The following ZNG1B variants were observed in gnomAD, a reference collection of about 807,000 sequenced individuals.
ZNG1B encodes Zn regulated GTPase metalloprotein activator 1B.
At chr2:113,451,075 C>T in the ZNG1B span, among the ~76,000 whole-genome samples, 2 of 152,236 alleles carry the variant, frequency 1.3e-5, no homozygotes, top group African/African-American at 4.8e-5. Context: ...ACCTGACCTT[C>T]TCCTTCCCAA....
At chr2:113,472,896 G>A in the ZNG1B span, among the ~76,000 whole-genome samples, 2 of 151,622 alleles carry the variant, frequency 1.3e-5, 1 homozygote, top group South Asian at 4.2e-4. Context: ...TAGCCTTGTA[G>A]TATAGTTTGA....
chr2:113,471,466 G>GT, the ZNG1B span, among the ~76,000 whole-genome samples: 438 of 150,408 alleles, frequency 2.9e-3, 3 homozygotes, highest in African/African-American at 0.01. Flanking sequence ...TTTTTCTTGA[G>GT]TTTTTTTTTA....
chr2:113,457,131 A>G, the ZNG1B span: 3 of 454,780 alleles, frequency 6.6e-6, no homozygotes, highest in Admixed American at 7.0e-5. Flanking sequence ...GGCTACTGAC[A>G]TTGTTCTTTT....
At chr2:113,473,095 A>G in the ZNG1B span, among the ~76,000 whole-genome samples, 1 of 149,608 alleles carries the variant, frequency 6.7e-6, no homozygotes, top group Non-Finnish European at 1.5e-5. Context: ...CATTTTCACG[A>G]TATTGATTCT....
the ZNG1B span, among the ~76,000 whole-genome samples, chr2:113,473,361 G>A: frequency 2.0e-5 from 3 of 146,764 alleles, no homozygotes; most frequent in South Asian, 6.7e-4. Context: ...TGCTGAAGTT[G>A]CTTATCAGCT....
the ZNG1B span, chr2:113,462,328 G>C: frequency 5.4e-6 from 7 of 1,294,306 alleles, no homozygotes; most frequent in Non-Finnish European, 7.5e-6. Flanking sequence ...TAATTTGTTA[G>C]CATTCCTCTT....
At chr2:113,437,973 G>T in the ZNG1B span, 3 of 1,612,032 alleles carry the variant, frequency 1.9e-6, no homozygotes, top group East Asian at 2.2e-5. Flanking sequence ...AGGAGGAAAA[G>T]TCTGGCCTCG....
the ZNG1B span, among the ~76,000 whole-genome samples, chr2:113,465,521 A>G: frequency 6.7e-6 from 1 of 148,838 alleles, no homozygotes; most frequent in African/African-American, 2.4e-5. Flanking sequence ...TGGCTTTTTA[A>G]TATTTAAAAA....
the ZNG1B span, chr2:113,462,329 C>G: frequency 7.2e-7 from 1 of 1,384,462 alleles, no homozygotes; most frequent in Non-Finnish European, 9.9e-7. Context: ...AATTTGTTAG[C>G]ATTCCTCTTT....
chr2:113,463,472 T>C, the ZNG1B span, among the ~76,000 whole-genome samples: 2 of 152,214 alleles, frequency 1.3e-5, no homozygotes, highest in African/African-American at 4.8e-5. Flanking sequence ...TTATTTGCCA[T>C]GATTAATGAT....
At chr2:113,466,485 C>T in the ZNG1B span, 1 of 961,426 alleles carries the variant, frequency 1.0e-6, no homozygotes, top group Non-Finnish European at 1.2e-6. Flanking sequence ...TATTATAGAA[C>T]AATAAACATG....
the ZNG1B span, chr2:113,462,875 C>A: frequency 1.2e-5 from 4 of 329,590 alleles, no homozygotes; most frequent in Non-Finnish European, 2.2e-5. Context: ...TCTCACTCTG[C>A]CAATCCCTGA....
the ZNG1B span, chr2:113,462,353 T>G: frequency 6.6e-7 from 1 of 1,516,048 alleles, no homozygotes; most frequent in Non-Finnish European, 9.0e-7. Flanking sequence ...TGTATTAATC[T>G]GCATGCGTGT....
chr2:113,464,550 T>A, the ZNG1B span, among the ~76,000 whole-genome samples: 1 of 149,822 alleles, frequency 6.7e-6, no homozygotes, highest in Non-Finnish European at 1.5e-5. Context: ...CCATATTCTA[T>A]AGTATCAAAA....
chr2:113,470,314 G>A, the ZNG1B span: 4 of 150,758 alleles, frequency 2.7e-5, no homozygotes, highest in African/African-American at 7.3e-5. Context: ...GGTTTTCTGG[G>A]CTTATGTTAA....
the ZNG1B span, among the ~76,000 whole-genome samples, chr2:113,443,204 G>A: frequency 9.2e-5 from 14 of 152,138 alleles, no homozygotes; most frequent in African/African-American, 3.1e-4. Context: ...TCCTGACCTC[G>A]TGATCCGCCC....
chr2:113,457,564 G>T, the ZNG1B span, among the ~76,000 whole-genome samples: 1 of 148,654 alleles, frequency 6.7e-6, no homozygotes, highest in Non-Finnish European at 1.5e-5. Context: ...ACACCCTATA[G>T]CCCTTCATGA....
chr2:113,467,092 C>G, the ZNG1B span, among the ~76,000 whole-genome samples: 2 of 150,488 alleles, frequency 1.3e-5, no homozygotes, highest in Non-Finnish European at 1.5e-5. Context: ...ACAAAAAAAC[C>G]GGAGATTTGG....
At chr2:113,443,363 AAGAT>A in the ZNG1B span, among the ~76,000 whole-genome samples, 2 of 151,962 alleles carry the variant, frequency 1.3e-5, no homozygotes, top group East Asian at 1.9e-4. Context: ...TGAAAAGAAA[AAGAT>A]AGATAAGGCA....
Sources: allele counts gnomAD v4.1 joint callset (sites outside exome capture counted in the v4.1 genomes callset), GRCh38; gene constraint gnomAD v4.1.1; transcripts MANE v1.5; gene names NCBI Gene and HGNC (gene_info 2026-07-23, HGNC 2026-07-21).